Variants in PCDHA3 observed in about 807,000 individuals in gnomAD.
The protein encoded by PCDHA3 is protocadherin alpha-3.
Under a neutral mutation model 62.2 loss-of-function variants are expected in PCDHA3, and 41 were observed. The observed-to-expected ratio is 0.66, with a 90% CI of 0.51 to 0.86. PCDHA3 has a LOEUF of 0.86. PCDHA3 is among the 40% of genes least tolerant of loss of function. The pLI is 0.00. For synonymous variants in PCDHA3, 640 were observed against 555.4 expected (o/e 1.15, Z -2.14); for missense variants, 1,304 against 1,241.2 (o/e 1.05, Z -0.76).
At chr5:140,969,638 G>A (rs1461834971) in intron 1 of PCDHA3, 1 of 210,658 alleles carries the variant, frequency 4.7e-6, no homozygotes, top group African/African-American at 2.4e-5. Context: ...ACAGGCCTTG[G>A]AATAGGGATT....
At chr5:140,875,250 C>A in intron 1 of PCDHA3, 1 of 1,016,106 alleles carries the variant, frequency 9.8e-7, no homozygotes, top group Non-Finnish European at 1.4e-6. Context: ...CATAATCAGT[C>A]ACATGATGTC....
At chr5:140,841,117 A>G (rs2150311332) in intron 1 of PCDHA3, 7 of 622,834 alleles carry the variant, frequency 1.1e-5, no homozygotes, top group South Asian at 9.0e-5. Flanking sequence ...TAATTCATGT[A>G]ATCATTACCT....
intron 1 of PCDHA3, chr5:140,855,960 T>A (rs933070909): frequency 4.3e-6 from 6 of 1,398,506 alleles, no homozygotes; most frequent in East Asian, 2.3e-5. Flanking sequence ...CGATAAAAAA[T>A]AGATATAAGA....
At chr5:140,959,886 G>A (rs1171381497) in intron 1 of PCDHA3, among the ~76,000 whole-genome samples, 1 of 152,194 alleles carries the variant, frequency 6.6e-6, no homozygotes, top group Non-Finnish European at 1.5e-5. Flanking sequence ...GAATACACGA[G>A]TGGGATTTAT....
chr5:140,843,040 T>C lies in PCDHA3; in HGVS notation c.2394+39449T>C, dbSNP rs2150350832. 22 of 1,595,034 alleles carry C rather than the reference T, an allele frequency of 1.4e-5. 3 individuals are homozygous for C. The highest frequency in any genetic ancestry group is 1.2e-4 in the Admixed American group (7 of 59,274). On this transcript the variant is annotated intron_variant, in intron 1 of 3. Coordinates refer to ENST00000522353, the MANE Select transcript of PCDHA3 (RefSeq NM_018906.3). ...TGCTGGAGCCTCGGGTGGGTGGCACTGGTGGCGCAGCGAGCAAGCTGGTGC... is the reference window on the plus strand; with the variant it reads ...TGCTGGAGCCTCGGGTGGGTGGCACCGGTGGCGCAGCGAGCAAGCTGGTGC...
chr5:140,842,996 A>C, intron 1 of PCDHA3: 1 of 1,594,948 alleles, frequency 6.3e-7, no homozygotes, highest in Non-Finnish European at 8.6e-7. Flanking sequence ...GCTGGACGAG[A>C]ATGACAACGC....
intron 1 of PCDHA3, among the ~76,000 whole-genome samples, chr5:140,932,539 AT>A (rs782246299): frequency 3.3e-5 from 5 of 152,008 alleles, no homozygotes; most frequent in Admixed American, 2.0e-4. Context: ...AAGGTGCTTT[AT>A]TTAACATACA....
At chr5:140,877,522 G>T in intron 1 of PCDHA3, 1 of 1,613,798 alleles carries the variant, frequency 6.2e-7, no homozygotes, top group Non-Finnish European at 8.5e-7. Context: ...GCGGGCCTCA[G>T]TGGGCGCTGT....
chr5:141,005,932 G>A (rs1588114868), intron 3 of PCDHA3, among the ~76,000 whole-genome samples: 2 of 152,074 alleles, frequency 1.3e-5, no homozygotes, highest in East Asian at 3.9e-4. Context: ...GGTTGACAGA[G>A]TGAGAACCTA....
Position 140,836,166 on chromosome 5 carries a change from C to T in PCDHA3, c.2394+32575C>T, listed in dbSNP as rs373780071. On this transcript the variant is annotated intron_variant, in intron 1 of 3. Coordinates refer to ENST00000522353, the MANE Select transcript of PCDHA3 (RefSeq NM_018906.3). ...CGCGGGCCATGTGGTGGCGAAGGTACGTGCAGTTGACGCTGACTCAGGCTA... is the reference window on the plus strand; with the variant it reads ...CGCGGGCCATGTGGTGGCGAAGGTATGTGCAGTTGACGCTGACTCAGGCTA... The T allele has an allele frequency of 4.3e-6, 7 of 1,613,708 alleles. No homozygotes were observed. In the African/African-American group the frequency reaches 5.3e-5, roughly 12 times the overall value.
chr5:140,928,893 T>C (rs1554206469), intron 1 of PCDHA3: 1 of 1,614,052 alleles, frequency 6.2e-7, no homozygotes, highest in African/African-American at 1.3e-5. Flanking sequence ...TTCCAGACTT[T>C]GAAGATGTCT....
intron 1 of PCDHA3, among the ~76,000 whole-genome samples, chr5:140,971,045 T>C (rs2096453995): frequency 6.6e-6 from 1 of 152,090 alleles, no homozygotes; most frequent in East Asian, 1.9e-4. Context: ...CGTAAAAGGG[T>C]TTAGCTTTAA....
At chr5:140,815,479 C>G (rs1197812042) in intron 1 of PCDHA3, 1 of 152,058 alleles carries the variant, frequency 6.6e-6, no homozygotes, top group Non-Finnish European at 1.5e-5. Context: ...TACTTCTCCC[C>G]TACCCAAATT....
At chr5:140,882,228 T>G in intron 1 of PCDHA3, 1 of 1,564,682 alleles carries the variant, frequency 6.4e-7, no homozygotes, top group Non-Finnish European at 8.7e-7. Context: ...GGTAAGGCGT[T>G]GTATATATTG....
chr5:140,902,488 G>T (rs1357036471), intron 1 of PCDHA3, among the ~76,000 whole-genome samples: 2 of 152,096 alleles, frequency 1.3e-5, no homozygotes, highest in African/African-American at 4.8e-5. Context: ...TGCTCAGTAT[G>T]ATACTAGCTG....
At chr5:140,813,261 TG>T (rs1289054885) in intron 1 of PCDHA3, 11 of 152,182 alleles carry the variant, frequency 7.2e-5, no homozygotes, top group African/African-American at 2.7e-4. Context: ...CTACAGTCAT[TG>T]GAGATACATT....
chr5:140,857,908 G>A (rs782073504), intron 1 of PCDHA3: 2 of 1,597,838 alleles, frequency 1.3e-6, no homozygotes, highest in Non-Finnish European at 1.7e-6. Flanking sequence ...CACGCATCCC[G>A]TTTCGCGTGG....
intron 1 of PCDHA3, chr5:140,852,028 TATTG>T (rs1203440654): frequency 2.1e-6 from 2 of 942,992 alleles, no homozygotes; most frequent in Admixed American, 6.3e-5. Flanking sequence ...AAACTTCGCT[TATTG>T]AGTTTTTGTT....
At chr5:140,938,251 A>C (rs1015321564) in intron 1 of PCDHA3, among the ~76,000 whole-genome samples, 4 of 152,176 alleles carry the variant, frequency 2.6e-5, no homozygotes, top group Non-Finnish European at 5.9e-5. Context: ...TGGTCTTTTA[A>C]AAACTTTCTA....
Sources: gnomAD v4.1 joint callset for allele counts (sites outside exome capture counted in the v4.1 genomes callset) on GRCh38, gnomAD v4.1.1 for gene constraint, MANE v1.5 for transcripts, NCBI Gene and HGNC (gene_info 2026-07-23, HGNC 2026-07-21) for gene names.